Variants in CHRM3 observed in about 807,000 individuals in gnomAD.
CHRM3 encodes cholinergic receptor muscarinic 3.
A neutral mutation model predicts 41.8 loss-of-function variants in CHRM3; 11 were observed. That is an observed-to-expected ratio of 0.26 (90% confidence interval 0.17 to 0.44). The LOEUF (loss-of-function observed/expected upper bound fraction) is 0.44. Ranked by LOEUF, CHRM3 falls within the 20% of genes least tolerant of loss-of-function variation. The probability of loss-of-function intolerance (pLI) is 1.00; values close to 1 mark genes in which losing one functional copy is unlikely to be tolerated. For synonymous variants in CHRM3, 297 were observed against 301.4 expected (o/e 0.99, Z 0.15); for missense variants, 571 against 745.4 (o/e 0.77, Z 2.72).
chr1:239,593,949 C>T (rs888885658), intron 3 of CHRM3, among the ~76,000 whole-genome samples: 1 of 152,082 alleles, frequency 6.6e-6, no homozygotes, highest in African/African-American at 2.4e-5. Context: ...AGGCATTTTC[C>T]ATATCATTAA....
chr1:239,706,878 A>G (rs534014606), intron 5 of CHRM3: 2 of 152,410 alleles, frequency 1.3e-5, no homozygotes, highest in Admixed American at 1.3e-4. Flanking sequence ...GCCTGATGCT[A>G]CATGCATTGA....
At chr1:239,665,990 G>T (rs1558434477) in intron 4 of CHRM3, among the ~76,000 whole-genome samples, 1 of 152,110 alleles carries the variant, frequency 6.6e-6, no homozygotes, top group African/African-American at 2.4e-5. Flanking sequence ...ATGTGCATGT[G>T]TCTTTATAGT....
At chr1:239,679,509 C>G (rs1351623879) in intron 5 of CHRM3, among the ~76,000 whole-genome samples, 1 of 152,058 alleles carries the variant, frequency 6.6e-6, no homozygotes, top group East Asian at 1.9e-4. Context: ...ATAAATTCAC[C>G]TCTAATTGCA....
chr1:239,571,500 T>C (rs1661826397), intron 3 of CHRM3, among the ~76,000 whole-genome samples: 1 of 152,158 alleles, frequency 6.6e-6, no homozygotes, highest in African/African-American at 2.4e-5. Flanking sequence ...TGGAGATGCA[T>C]ATATCCTCCC....
intron 5 of CHRM3, among the ~76,000 whole-genome samples, chr1:239,745,574 A>G (rs1238263524): frequency 1.3e-5 from 2 of 152,078 alleles, no homozygotes; most frequent in Non-Finnish European, 2.9e-5. Context: ...TACACATGCC[A>G]TGATGGCTTG....
chr1:239,459,689 T>C (rs933227079), intron 1 of CHRM3, among the ~76,000 whole-genome samples: 1 of 152,206 alleles, frequency 6.6e-6, no homozygotes, highest in African/African-American at 2.4e-5. Context: ...TCTGAGGTTC[T>C]TCTTCTCTAA....
chr1:239,471,597 G>C (rs1666127597), intron 1 of CHRM3, among the ~76,000 whole-genome samples: 1 of 152,172 alleles, frequency 6.6e-6, no homozygotes, highest in African/African-American at 2.4e-5. Flanking sequence ...ATACTGGGTA[G>C]TGAGTGAGAG....
chr1:239,572,298 C>G (rs1172514978), intron 3 of CHRM3, among the ~76,000 whole-genome samples: 1 of 152,086 alleles, frequency 6.6e-6, no homozygotes, highest in Non-Finnish European at 1.5e-5. Flanking sequence ...GATGAGATTC[C>G]AATTCAAAAG....
At position 239,913,047 on chromosome 1, in the gene CHRM3, T is replaced by C. The variant is rs527922269; in HGVS notation, c.*3823T>C. 2.4e-5 allele frequency: 4 copies of C among 167,196 alleles called. No individual in the cohort carries two copies. Among genetic ancestry groups the C allele is most frequent in the African/African-American group, 7.2e-5 (3 of 41,574 alleles). 10.4% of individuals were successfully genotyped at this position (167,196 alleles called of 1,614,324 possible). A position where few individuals can be genotyped will look rare whatever the true frequency, so the allele number is the denominator to read the frequency against. On this transcript the variant is annotated 3_prime_UTR_variant, in exon 7 of 7. Transcript: ENST00000676153. Reference sequence around the variant, plus strand: ...TCAAAACTGAGGTCAGCAGCTACCATGACGAAAGTAAAATGGTATATTGGG... The same window carrying C: ...TCAAAACTGAGGTCAGCAGCTACCACGACGAAAGTAAAATGGTATATTGGG...
intron 3 of CHRM3, among the ~76,000 whole-genome samples, chr1:239,557,133 G>T (rs1660440642): frequency 6.6e-6 from 1 of 152,124 alleles, no homozygotes; most frequent in Non-Finnish European, 1.5e-5. Flanking sequence ...GAATCTGTTT[G>T]CCTGTGAAGT....
At chr1:239,875,921 C>T (rs766775458) in intron 6 of CHRM3, among the ~76,000 whole-genome samples, 6 of 152,200 alleles carry the variant, frequency 3.9e-5, no homozygotes, top group African/African-American at 1.4e-4. Context: ...GCCACTCCAG[C>T]TTCCCCCCTT....
chr1:239,475,122 A>G (rs1558250447), intron 1 of CHRM3, among the ~76,000 whole-genome samples: 1 of 152,118 alleles, frequency 6.6e-6, no homozygotes, highest in Non-Finnish European at 1.5e-5. Context: ...AGGAAAATGG[A>G]ATAATTTAAT....
intron 1 of CHRM3, among the ~76,000 whole-genome samples, chr1:239,394,050 G>C (rs1055225134): frequency 6.6e-6 from 1 of 152,112 alleles, no homozygotes; most frequent in African/African-American, 2.4e-5. Context: ...TGGACATTCT[G>C]TTTTGGATAC....
intron 5 of CHRM3, among the ~76,000 whole-genome samples, chr1:239,709,355 G>A (rs565670328): frequency 4.6e-5 from 7 of 152,236 alleles, no homozygotes; most frequent in South Asian, 4.1e-4. Context: ...GGATTTTACC[G>A]ACCGCCGTGT....
chr1:239,439,430 A>G (rs374053255), intron 1 of CHRM3, among the ~76,000 whole-genome samples: 1 of 152,194 alleles, frequency 6.6e-6, no homozygotes, highest in East Asian at 1.9e-4. Flanking sequence ...TGCGGACAGT[A>G]ACAATGAGGG....
At chr1:239,395,516 A>G (rs1029408321) in intron 1 of CHRM3, among the ~76,000 whole-genome samples, 1 of 152,188 alleles carries the variant, frequency 6.6e-6, no homozygotes, top group African/African-American at 2.4e-5. Flanking sequence ...CAACCAAGTA[A>G]GATCTCAACC....
At chr1:239,685,777 G>A (rs560996985) in intron 5 of CHRM3, among the ~76,000 whole-genome samples, 60 of 152,200 alleles carry the variant, frequency 3.9e-4, no homozygotes, top group African/African-American at 1.2e-3. Context: ...AGCTGAGATC[G>A]TGCCATTGCA....
At chr1:239,506,147 T>G (rs987274817) in intron 2 of CHRM3, among the ~76,000 whole-genome samples, 2 of 152,168 alleles carry the variant, frequency 1.3e-5, no homozygotes, top group Admixed American at 6.5e-5. Flanking sequence ...AAAAATCTCA[T>G]TTTCTGAGGA....
rs199545246 is a variant in CHRM3, at chr1:239,909,403, A to G, written c.*179A>G. 3.9e-6 allele frequency: 2 copies of G among 508,620 alleles called. No individual in the cohort carries two copies. The highest frequency in any genetic ancestry group is 2.1e-5 in the African/African-American group (1 of 48,374). The allele number at this position is 508,620 out of a possible 1,614,324, so 31.5% of individuals were successfully genotyped here. ...AAACCCATTTTAATAGAAAAAGTCA[A>G]TACCAATTCAGCAAAAAGAAAAAAA... On this transcript the variant is annotated 3_prime_UTR_variant, in exon 7 of 7. Transcript: ENST00000676153.
Sources: gnomAD v4.1 joint callset for allele counts (sites outside exome capture counted in the v4.1 genomes callset) on GRCh38, gnomAD v4.1.1 for gene constraint, MANE v1.5 for transcripts, NCBI Gene and HGNC (gene_info 2026-07-23, HGNC 2026-07-21) for gene names.